The following ARHGAP1 variants were observed in gnomAD, a reference collection of about 807,000 sequenced individuals.
The protein encoded by ARHGAP1 is Rho GTPase activating protein 1.
ARHGAP1 carries 23 observed loss-of-function variants against 52.2 expected under a neutral mutation model. That is an observed-to-expected ratio of 0.44 (90% CI 0.32 to 0.62). The LOEUF is 0.62. Ranked by LOEUF, ARHGAP1 falls within the 20% of genes least tolerant of loss-of-function variation. ARHGAP1 has a pLI of 0.05. For synonymous variants in ARHGAP1, 210 were observed against 228.4 expected, an observed-to-expected ratio of 0.92 and a Z score of 0.73; for missense variants, 480 against 560.9, an observed-to-expected ratio of 0.86 and a Z score of 1.46.
In ARHGAP1 at chr11:46,679,639, G is replaced by A; in HGVS notation, c.1027+9C>T. ...AGCCCCAGGCCCAACAGAAGAGATG[G>A]GGACTCACTGAGGAAGCCCACCACA... is the stretch of plus-strand genomic sequence containing the variant. On this transcript the variant is annotated intron_variant, in intron 11 of 12. Transcript: ENST00000311956. This position sits in a 1 kb window ranked among gnomAD's most constrained non-coding sequence, Gnocchi z 4.4. 6.2e-7 allele frequency: 1 copy of A among 1,613,946 alleles called. No homozygotes were observed. Among genetic ancestry groups the A allele is most frequent in the Admixed American group, 1.7e-5 (1 of 60,010 alleles).
chr11:46,685,973 C>CT lies in ARHGAP1; in HGVS notation c.317+2199dup, dbSNP rs879269497. On this transcript the variant is annotated intron_variant, in intron 4 of 12. Transcript: ENST00000311956. The stretch of plus-strand genomic sequence containing the variant: ...ACAGGCATGAGCCACCGTACCCGGA[C>CT]TTTTTTTTTTTTTTTTGAGATGGAG... Among the ~76,000 whole-genome samples, 536 of 123,232 alleles carry CT rather than the reference C, an allele frequency of 4.3e-3. 1 individual carries two copies. The highest frequency in any genetic ancestry group is 0.011 in the African/African-American group (369 of 33,188). 80.8% of individuals were successfully genotyped at this position (123,232 alleles called of 152,430 possible). A position where few individuals can be genotyped will look rare whatever the true frequency, so the allele number is the denominator to read the frequency against.
In ARHGAP1 at chr11:46,677,644, G is replaced by A. The variant is rs950392330; in HGVS notation, c.*1393C>T. On this transcript the variant is annotated 3_prime_UTR_variant, in exon 13 of 13. Transcript: ENST00000311956. ...AGTGAGATCAGCCATCACTGGGGCC[G>A]AGGTTCTTTGAAAGACAACAGGGCT... The A allele has an allele frequency of 2.6e-5, 6 of 229,412 alleles. No homozygotes were observed. The highest frequency in any genetic ancestry group is 2.2e-4 in the South Asian group (5 of 23,046). 14.2% of individuals were successfully genotyped at this position (229,412 alleles called of 1,614,324 possible). A position where few individuals can be genotyped will look rare whatever the true frequency, so the allele number is the denominator to read the frequency against.
chr11:46,693,150 C>A (rs779706752), intron 3 of ARHGAP1, among the ~76,000 whole-genome samples: 16 of 152,228 alleles, frequency 1.1e-4, no homozygotes, highest in South Asian at 1.0e-3. Flanking sequence ...CCGCGCCTGG[C>A]CTTAACCCCA....
At position 46,681,452 on chromosome 11, in the gene ARHGAP1, C is replaced by CTT. The variant is rs56710343; in HGVS notation, c.450-75_450-74dup. The stretch of plus-strand genomic sequence containing the variant: ...TGCCACGCTAGGGTCCCAGTGCATA[C>CTT]TTTTTTTTTTTGAGACAGAGTCTCC... On this transcript the variant is annotated intron_variant, in intron 5 of 12. Transcript: ENST00000311956. This position sits in a 1 kb window ranked among gnomAD's most constrained non-coding sequence, Gnocchi z 5.7. 8.8e-5 allele frequency: 80 copies of CTT among 911,744 alleles called. No homozygotes were observed. Among genetic ancestry groups the CTT allele is most frequent in the Non-Finnish European group, 1.1e-4 (67 of 606,564 alleles). The allele number at this position is 911,744 out of a possible 1,614,324, so 56.5% of individuals were successfully genotyped here.
In ARHGAP1 at chr11:46,696,727, G is replaced by A. The variant is rs1216404057; in HGVS notation, c.-49-571C>T. Among the ~76,000 whole-genome samples the A allele has an allele frequency of 6.6e-6, 1 of 152,166 alleles. No homozygotes were observed. Among genetic ancestry groups the A allele is most frequent in the Non-Finnish European group, 1.5e-5 (1 of 68,032 alleles). ...CTACTAAAAATACAAAAACTAGCTG[G>A]GCGTGGTGGCAGGCATCTGTAATCC... is the stretch of plus-strand genomic sequence containing the variant. On this transcript the variant is annotated intron_variant, in intron 1 of 12. Transcript: ENST00000311956. The surrounding 1 kb of genome is among the most constrained non-coding windows in gnomAD (Gnocchi z 4.8).
intron 1 of ARHGAP1, among the ~76,000 whole-genome samples, chr11:46,699,769 C>T (rs1565692380): frequency 6.6e-6 from 1 of 151,936 alleles, no homozygotes; most frequent in East Asian, 1.9e-4. Flanking sequence ...CAAATCCCAC[C>T]ACAATACAAC....
intron 3 of ARHGAP1, among the ~76,000 whole-genome samples, chr11:46,690,728 A>G (rs534057133): frequency 2.6e-5 from 4 of 152,264 alleles, no homozygotes; most frequent in East Asian, 1.9e-4. Flanking sequence ...GGCTCCCAGC[A>G]TAAACCGTCA....
intron 3 of ARHGAP1, among the ~76,000 whole-genome samples, chr11:46,690,926 G>A (rs184979019): frequency 1.3e-5 from 2 of 152,120 alleles, no homozygotes; most frequent in African/African-American, 2.4e-5. Flanking sequence ...CTGTCACCCA[G>A]GCTGAAGTGC....
rs533062098 is a variant in ARHGAP1, at chr11:46,679,979, C to T, written c.899-203G>A. On this transcript the variant is annotated intron_variant, in intron 10 of 12. Transcript: ENST00000311956. This position sits in a 1 kb window ranked among gnomAD's most constrained non-coding sequence, Gnocchi z 4.4. ...CCATCTGGGGAAGTGGGGCCCGGCA[C>T]ACCCCACCGTTATTCCTTGCCTCTG... 1.8e-5 allele frequency: 19 copies of T among 1,035,940 alleles called. No individual in the cohort carries two copies. The highest frequency in any genetic ancestry group is 2.6e-5 in the Non-Finnish European group (19 of 726,428). The allele number at this position is 1,035,940 out of a possible 1,614,324, so 64.2% of individuals were successfully genotyped here. A position where few individuals can be genotyped will look rare whatever the true frequency, so the allele number is the denominator to read the frequency against.
chr11:46,682,236 G>C, intron 4 of ARHGAP1, 54 bp from the exon 5 acceptor site: 1 of 1,601,406 alleles, frequency 6.2e-7, no homozygotes, highest in Non-Finnish European at 8.5e-7. Flanking sequence ...GCGGCCCCAC[G>C]AAGACAGAAA....
chr11:46,682,106 C>T lies in ARHGAP1; in HGVS notation c.394G>A (p.Asp132Asn), dbSNP rs764362910. 86 of 1,614,060 alleles carry T rather than the reference C, an allele frequency of 5.3e-5. 1 individual carries two copies. The highest frequency in any genetic ancestry group is 1.8e-4 in the East Asian group (8 of 44,888). Residue 132 changes from aspartate to asparagine, a missense_variant, in exon 5 of 13, where the codon GAC becomes AAC. Transcript: ENST00000311956. Reference protein sequence around the residue: ...LLYLHHGLTSDNKPSLSWLRD... With the variant: ...LLYLHHGLTSNNKPSLSWLRD... ...AGCCAGCTGAGGGAGGGCTTGTTGT[C>T]GCTGGTCAGGCCGTGGTGCAGATAC...
intron 3 of ARHGAP1, among the ~76,000 whole-genome samples, chr11:46,694,846 C>A (rs1296913916): frequency 6.6e-6 from 1 of 152,148 alleles, no homozygotes; most frequent in Non-Finnish European, 1.5e-5. Flanking sequence ...AAGCCCAGCA[C>A]CCCCATAGCC....
chr11:46,695,719 T>A lies in ARHGAP1; in HGVS notation c.170A>T (p.His57Leu). ...SKSSSPELVT[H>L]LKWDDPYYDI... ...ATAGTATGGGTCATCCCACTTCAGG[T>A]GTGTGACAAGTTCCGGGGAGCTGCT... is the stretch of plus-strand genomic sequence containing the variant. The change falls in exon 3 of 13, where the codon CAC becomes CTC. Residue 57 changes from histidine to leucine, a missense_variant. Physicochemically the swap from His to Leu is moderately conservative, Grantham distance 99. Coordinates refer to ENST00000311956, the MANE Select transcript of ARHGAP1 (RefSeq NM_004308.5). 1.3e-6 allele frequency: 2 copies of A among 1,552,102 alleles called. No homozygotes were observed. The highest frequency in any genetic ancestry group is 1.7e-6 in the Non-Finnish European group (2 of 1,147,126).
chr11:46,679,627 A>G lies in ARHGAP1; in HGVS notation c.1027+21T>C, dbSNP rs1237022176. The G allele has an allele frequency of 1.2e-6, 2 of 1,613,714 alleles. No homozygotes were observed. Among genetic ancestry groups the G allele is most frequent in the East Asian group, 2.2e-5 (1 of 44,896 alleles). ...TGCCCCAAGTCCAGCCCCAGGCCCAACAGAAGAGATGGGGACTCACTGAGG... is the reference window on the plus strand; with the variant it reads ...TGCCCCAAGTCCAGCCCCAGGCCCAGCAGAAGAGATGGGGACTCACTGAGG... On this transcript the variant is annotated intron_variant, in intron 11 of 12. Coordinates refer to ENST00000311956, the MANE Select transcript of ARHGAP1 (RefSeq NM_004308.5). This position sits in a 1 kb window ranked among gnomAD's most constrained non-coding sequence, Gnocchi z 4.4.
In ARHGAP1 at chr11:46,680,642, C is replaced by G; in HGVS notation, c.741G>C (p.Gln247His). ...LPNQQFGVSL[Q>H]HLQEKNPEQE... ...GCCCAGCCACCTTTCATACTTACTGCTGCAGCGAGACTCCAAACTGCTGGT... is the reference window on the plus strand; with the variant it reads ...GCCCAGCCACCTTTCATACTTACTGGTGCAGCGAGACTCCAAACTGCTGGT... The change falls in exon 8 of 13, where the codon CAG becomes CAC. Residue 247 changes from glutamine (Q) to histidine (H), a missense_variant and splice_region_variant. Coordinates refer to ENST00000311956, the MANE Select transcript of ARHGAP1 (RefSeq NM_004308.5). The surrounding 1 kb of genome is among the most constrained non-coding windows in gnomAD (Gnocchi z 5.9). 1 of 1,613,036 alleles carries G rather than the reference C, an allele frequency of 6.2e-7. No individual in the cohort carries two copies.
chr11:46,688,325 C>T, intron 3 of ARHGAP1, 65 bp from the exon 4 acceptor site: 2 of 1,476,380 alleles, frequency 1.4e-6, no homozygotes, highest in Non-Finnish European at 1.9e-6. Context: ...GGGTGAGGAA[C>T]TTAAAGGGGC....
chr11:46,700,292 G>T (rs947429309), intron 1 of ARHGAP1, among the ~76,000 whole-genome samples: 4 of 151,462 alleles, frequency 2.6e-5, no homozygotes, highest in African/African-American at 9.7e-5. Context: ...CTTGCTGGAT[G>T]ACAGCGATCC....
intron 4 of ARHGAP1, among the ~76,000 whole-genome samples, chr11:46,682,675 ACT>A (rs2064538081): frequency 1.3e-5 from 2 of 152,064 alleles, no homozygotes; most frequent in South Asian, 4.2e-4. Flanking sequence ...CAAGAGTGAA[ACT>A]CTGTCTCAAT....
chr11:46,681,905 A>C lies in ARHGAP1; in HGVS notation c.449+146T>G. Reference sequence around the variant, plus strand: ...CCTTACTTAAGCCCAGGGTGATCTGACTGCAGATTCTTTACATTGACGTAG... The same window carrying C: ...CCTTACTTAAGCCCAGGGTGATCTGCCTGCAGATTCTTTACATTGACGTAG... On this transcript the variant is annotated intron_variant, in intron 5 of 12. Transcript: ENST00000311956. This position sits in a 1 kb window ranked among gnomAD's most constrained non-coding sequence, Gnocchi z 5.7. The C allele has an allele frequency of 1.8e-6, 2 of 1,131,072 alleles. No homozygotes were observed. The highest frequency in any genetic ancestry group is 2.5e-6 in the Non-Finnish European group (2 of 806,310). The allele number at this position is 1,131,072 out of a possible 1,614,324, so 70.1% of individuals were successfully genotyped here. A position where few individuals can be genotyped will look rare whatever the true frequency, so the allele number is the denominator to read the frequency against.
Sources: gnomAD v4.1 joint callset for allele counts (sites outside exome capture counted in the v4.1 genomes callset) on GRCh38, gnomAD v4.1.1 for gene constraint, Gnocchi (gnomAD v3.1) non-coding constraint, MANE v1.5 for transcripts, NCBI Gene and HGNC (gene_info 2026-07-23, HGNC 2026-07-21) for gene names.